The following FAM53A variants were observed in gnomAD, a reference collection of about 807,000 sequenced individuals.
The protein encoded by FAM53A is protein FAM53A.
FAM53A carries 28 observed loss-of-function variants against 26.6 expected under a neutral mutation model. The observed-to-expected ratio is 1.05, with a 90% confidence interval of 0.78 to 1.45. FAM53A has a LOEUF of 1.45. Among genes scored for constraint, FAM53A ranks in the 40% most tolerant of loss-of-function variants. The pLI, the probability that FAM53A is intolerant of heterozygous loss-of-function variation, is 0.00. For synonymous variants in FAM53A, 290 were observed against 253.1 expected, an observed-to-expected ratio of 1.15 and a Z score of -1.38; for missense variants, 650 against 575.8, an observed-to-expected ratio of 1.13 and a Z score of -1.32.
the FAM53A span, among the ~76,000 whole-genome samples, chr4:1,604,160 C>T: frequency 0.56 from 85,253 of 152,098 alleles, 24,400 homozygotes; most frequent in African/African-American, 0.63. Flanking sequence ...GTTCTGCCCC[C>T]GGGAAGGGGC....
chr4:1,636,051 G>C (rs1212868327), downstream of FAM53A, among the ~76,000 whole-genome samples: 2 of 151,902 alleles, frequency 1.3e-5, no homozygotes, highest in South Asian at 2.1e-4. Flanking sequence ...GTTTCACCTT[G>C]GTAGCCAGGA....
chr4:1,634,085 T>A (rs1577093686), intron 1 of FAM53A, among the ~76,000 whole-genome samples: 1 of 151,274 alleles, frequency 6.6e-6, no homozygotes, highest in South Asian at 2.1e-4. Context: ...GCAGAGGGAG[T>A]GCGGGGTTTG....
intron 2 of FAM53A, among the ~76,000 whole-genome samples, chr4:1,658,086 C>T (rs1275776913): frequency 6.6e-6 from 1 of 151,926 alleles, no homozygotes; most frequent in Non-Finnish European, 1.5e-5. Context: ...TCTCTGCTTA[C>T]TACAAGCTCT....
the FAM53A span, among the ~76,000 whole-genome samples, chr4:1,600,956 C>T: frequency 1.4e-4 from 22 of 152,212 alleles, no homozygotes; most frequent in South Asian, 2.1e-4. Context: ...CCAGCCCTGC[C>T]CCAGGGCCCA....
At chr4:1,604,965 C>T in the FAM53A span, among the ~76,000 whole-genome samples, 1 of 152,158 alleles carries the variant, frequency 6.6e-6, no homozygotes, top group East Asian at 1.9e-4. Context: ...CACGTGGGGC[C>T]TCCACATCTC....
intron 2 of FAM53A, among the ~76,000 whole-genome samples, chr4:1,666,593 G>A (rs1034311957): frequency 1.3e-5 from 2 of 152,240 alleles, no homozygotes; most frequent in Admixed American, 6.5e-5. Flanking sequence ...CCTGGCTGAC[G>A]TCCACTTGCC....
chr4:1,647,632 G>A (rs987568694), intron 4 of FAM53A, among the ~76,000 whole-genome samples: 1 of 152,254 alleles, frequency 6.6e-6, no homozygotes, highest in Non-Finnish European at 1.5e-5. Context: ...CTAGAGCTGG[G>A]CTGCGCATAC....
At chr4:1,607,068 GA>G in the FAM53A span, among the ~76,000 whole-genome samples, 15 of 152,204 alleles carry the variant, frequency 9.9e-5, no homozygotes, top group Non-Finnish European at 1.5e-4. Flanking sequence ...ACCCAGGCTG[GA>G]GTGCAGTGGC....
intron 2 of FAM53A, among the ~76,000 whole-genome samples, chr4:1,666,117 C>A (rs1309362843): frequency 7.6e-6 from 1 of 131,410 alleles, no homozygotes; most frequent in African/African-American, 2.9e-5. Context: ...AAAACCTGCA[C>A]CTGCACCCCT....
chr4:1,668,073 G>A (rs980533438), intron 2 of FAM53A, among the ~76,000 whole-genome samples: 1 of 152,182 alleles, frequency 6.6e-6, no homozygotes, highest in African/African-American at 2.4e-5. Context: ...GCACACCTGC[G>A]CTTGGGGCTC....
intron 1 of FAM53A, among the ~76,000 whole-genome samples, chr4:1,677,041 T>A (rs1369431327): frequency 1.3e-5 from 2 of 152,132 alleles, no homozygotes; most frequent in Non-Finnish European, 2.9e-5. Context: ...AGTCCCACCT[T>A]GTGCTCAGCA....
At chr4:1,599,908 G>T in the FAM53A span, among the ~76,000 whole-genome samples, 4 of 152,252 alleles carry the variant, frequency 2.6e-5, no homozygotes, top group South Asian at 8.3e-4. This position sits in a 1 kb window ranked among gnomAD's most constrained non-coding sequence, Gnocchi z 6.1. Flanking sequence ...GTCCCTTGGG[G>T]TACTGCCGCC....
At chr4:1,679,867 A>G (rs978740336) in intron 1 of FAM53A, among the ~76,000 whole-genome samples, 13 of 147,774 alleles carry the variant, frequency 8.8e-5, no homozygotes, top group Non-Finnish European at 1.6e-4. Context: ...TGGCCCACAC[A>G]TCGAAACCCC....
intron 1 of FAM53A, among the ~76,000 whole-genome samples, chr4:1,681,938 G>A (rs1715467177): frequency 6.6e-6 from 1 of 152,206 alleles, no homozygotes; most frequent in South Asian, 2.1e-4. Flanking sequence ...CACAAGGTGA[G>A]CTCTGGACAG....
At chr4:1,579,162 C>G in the FAM53A span, among the ~76,000 whole-genome samples, 1 of 151,272 alleles carries the variant, frequency 6.6e-6, no homozygotes, top group African/African-American at 2.4e-5. Flanking sequence ...CAGGGGCTCC[C>G]GTCAGGCCCC....
intron 4 of FAM53A, among the ~76,000 whole-genome samples, chr4:1,648,011 C>G (rs748712538): frequency 6.6e-6 from 1 of 152,088 alleles, no homozygotes; most frequent in African/African-American, 2.4e-5. Context: ...GAATTTGAGA[C>G]CAACTTGGAC....
the FAM53A span, among the ~76,000 whole-genome samples, chr4:1,574,880 C>T: frequency 2.0e-5 from 3 of 152,240 alleles, no homozygotes; most frequent in African/African-American, 7.2e-5. Context: ...GCCCGAACCC[C>T]TCGGCTATGG....
chr4:1,588,890 T>C, the FAM53A span, among the ~76,000 whole-genome samples: 1 of 152,382 alleles, frequency 6.6e-6, no homozygotes, highest in East Asian at 1.9e-4. Flanking sequence ...TTGATGTATC[T>C]GCAGATTCTG....
At chr4:1,610,161 C>T in the FAM53A span, among the ~76,000 whole-genome samples, 3 of 151,976 alleles carry the variant, frequency 2.0e-5, no homozygotes, top group East Asian at 1.9e-4. Flanking sequence ...AGCTCAGTGC[C>T]GAGGGGGCAC....
Sources: gnomAD v4.1 joint callset for allele counts (sites outside exome capture counted in the v4.1 genomes callset) on GRCh38, gnomAD v4.1.1 for gene constraint, Gnocchi (gnomAD v3.1) non-coding constraint, MANE v1.5 for transcripts, NCBI Gene and HGNC (gene_info 2026-07-23, HGNC 2026-07-21) for gene names.